TMEM131: variants seen among roughly 807,000 people sequenced by gnomAD.
TMEM131 encodes 2610524E03Rik.
Under a neutral mutation model 211.6 loss-of-function variants are expected in TMEM131, and 66 were observed. That is an observed-to-expected ratio of 0.31 (90% CI 0.26 to 0.38). The LOEUF is 0.38. TMEM131 is among the 10% of genes least tolerant of loss of function. The pLI is 1.00. For synonymous variants in TMEM131, 844 were observed against 841.3 expected, an observed-to-expected ratio of 1.00 and a Z score of -0.06; for missense variants, 2,036 against 2,299.3, an observed-to-expected ratio of 0.89 and a Z score of 2.34.
In TMEM131 at chr2:97,792,492, G is replaced by A; in HGVS notation, c.4038C>T (p.Asp1346=). Residue 1346 remains aspartate, a synonymous_variant, in exon 31 of 41, where the codon GAC becomes GAT. Transcript: ENST00000186436. The part of the protein sequence containing the change: ...SSARHSSEDS[D]ITSLIEAMDK... Reference sequence around the variant, plus strand: ...CCATGGCTTCTATGAGACTGGTGATGTCCGAGTCCTCGGAACTGTGCCTCG... The same window carrying A: ...CCATGGCTTCTATGAGACTGGTGATATCCGAGTCCTCGGAACTGTGCCTCG... 1.2e-6 allele frequency: 2 copies of A among 1,613,790 alleles called. No homozygotes were observed. Among genetic ancestry groups the A allele is most frequent in the South Asian group, 1.1e-5 (1 of 91,006 alleles).
chr2:97,884,459 A>C (rs116766365), intron 4 of TMEM131, among the ~76,000 whole-genome samples: 1 of 152,154 alleles, frequency 6.6e-6, no homozygotes, highest in Non-Finnish European at 1.5e-5. Flanking sequence ...TGTAGTTTAA[A>C]TCCAATGCTT....
chr2:97,814,096 C>G lies in TMEM131; in HGVS notation c.1492G>C (p.Gly498Arg). Residue 498 changes from glycine to arginine, a missense_variant, in exon 15 of 41, where the codon GGA becomes CGA. Gly to Arg is a moderately radical substitution (Grantham distance 125). Coordinates refer to ENST00000186436, the MANE Select transcript of TMEM131 (RefSeq NM_015348.2). ...KPVLILPNES[G>R]YIFTLLFMPS... Reference sequence around the variant, plus strand: ...ATAAAAAGCAGGGTAAAAATGTATCCTGATTCATTAGGAAGAATTAAGACT... The same window carrying G: ...ATAAAAAGCAGGGTAAAAATGTATCGTGATTCATTAGGAAGAATTAAGACT... The G allele has an allele frequency of 6.2e-7, 1 of 1,607,264 alleles. No homozygotes were observed. Among genetic ancestry groups the G allele is most frequent in the Non-Finnish European group, 8.5e-7 (1 of 1,176,274 alleles).
At chr2:97,798,131 T>G (rs569010388) in intron 25 of TMEM131, among the ~76,000 whole-genome samples, 5 of 152,394 alleles carry the variant, frequency 3.3e-5, no homozygotes. Flanking sequence ...GCTTACTGTT[T>G]CATAAACACC....
At chr2:97,879,635 C>A in intron 4 of TMEM131, among the ~76,000 whole-genome samples, 1 of 152,206 alleles carries the variant, frequency 6.6e-6, no homozygotes, top group Admixed American at 6.5e-5. Flanking sequence ...GACAGCAAGA[C>A]TATCACTTCC....
chr2:97,860,518 G>A (rs1250923558), intron 4 of TMEM131, among the ~76,000 whole-genome samples: 4 of 152,128 alleles, frequency 2.6e-5, no homozygotes, highest in African/African-American at 9.7e-5. Context: ...AGTTGAAAAC[G>A]CAGAGCCAGA....
chr2:97,911,311 C>T (rs998641082), intron 2 of TMEM131, among the ~76,000 whole-genome samples: 1 of 152,056 alleles, frequency 6.6e-6, no homozygotes, highest in African/African-American at 2.4e-5. Flanking sequence ...AAGGGATTAC[C>T]AAGGGGCACA....
chr2:97,797,308 G>C, intron 26 of TMEM131, 57 bp downstream of exon 26: 1 of 1,446,998 alleles, frequency 6.9e-7, no homozygotes, highest in East Asian at 2.3e-5. Context: ...CTTAAAACAA[G>C]TGAGGACTTC....
At chr2:97,964,214 C>T (rs971890595) in intron 1 of TMEM131, among the ~76,000 whole-genome samples, 2 of 152,190 alleles carry the variant, frequency 1.3e-5, no homozygotes, top group Admixed American at 1.3e-4. Context: ...GAGACCACCA[C>T]CTACAAGGTC....
chr2:97,938,561 T>A (rs1009007307), intron 1 of TMEM131, among the ~76,000 whole-genome samples: 7 of 152,042 alleles, frequency 4.6e-5, no homozygotes, highest in African/African-American at 1.4e-4. Context: ...AGACTTAGAC[T>A]CCCACACAAT....
intron 1 of TMEM131, among the ~76,000 whole-genome samples, chr2:97,970,961 A>G (rs985926381): frequency 1.3e-5 from 2 of 152,186 alleles, no homozygotes; most frequent in Non-Finnish European, 2.9e-5. Flanking sequence ...AATGTAGCCT[A>G]TGGTGGGGGG....
Position 97,757,372 on chromosome 2 carries a change from A to G in TMEM131, c.5379T>C (p.Gly1793=). ...SPTHTATSVL[G]NTSGLWSTTP... is the part of the protein sequence containing the mutation. Reference sequence around the variant, plus strand: ...TGGTGGACCACAGGCCGCTGGTGTTACCGAGGACCGACTGCGACAAAACAG... The same window carrying G: ...TGGTGGACCACAGGCCGCTGGTGTTGCCGAGGACCGACTGCGACAAAACAG... Residue 1793 remains glycine (G), a synonymous_variant, in exon 41 of 41, where the codon GGT becomes GGC. Transcript: ENST00000186436. 6.3e-7 allele frequency: 1 copy of G among 1,598,718 alleles called. No homozygotes were observed. The highest frequency in any genetic ancestry group is 8.5e-7 in the Non-Finnish European group (1 of 1,169,686).
chr2:97,837,122 G>T lies in TMEM131; in HGVS notation c.759C>A (p.His253Gln), dbSNP rs1015126427. The T allele has an allele frequency of 6.2e-7, 1 of 1,610,222 alleles. No individual in the cohort carries two copies. The highest frequency in any genetic ancestry group is 8.5e-7 in the Non-Finnish European group (1 of 1,178,552). ...CTTGTTGACCCGTTGGGAGTTCTAG[G>T]TGAAGGTCTCCTCCACTAGAGTACA... is the stretch of plus-strand genomic sequence containing the variant. ...VEMYSSGGDL[H>Q]LELPTGQQGG... The change falls in exon 8 of 41, where the codon CAC becomes CAA. Residue 253 changes from histidine (H) to glutamine (Q), a missense_variant. Around this residue, in one of 3 missense-constraint regions of TMEM131, gnomAD observed 277 missense variants for 378.0 expected, o/e 0.73. Coordinates refer to ENST00000186436, the MANE Select transcript of TMEM131 (RefSeq NM_015348.2).
intron 5 of TMEM131, among the ~76,000 whole-genome samples, chr2:97,845,731 A>G (rs530790740): frequency 2.0e-5 from 3 of 149,934 alleles, no homozygotes; most frequent in Non-Finnish European, 4.4e-5. Context: ...AAAGAGTAAA[A>G]ATTAATGAAA....
rs1473044460 is a variant in TMEM131, at chr2:97,792,557, G to T, written c.3973C>A (p.Pro1325Thr). The change falls in exon 31 of 41, where the codon CCC becomes ACC. Residue 1325 changes from proline to threonine, a missense_variant. Physicochemically the swap from Pro to Thr is conservative, Grantham distance 38. Around this residue, in one of 3 missense-constraint regions of TMEM131, gnomAD observed 1,623 missense variants for 1,805.9 expected, o/e 0.90. Coordinates refer to ENST00000186436, the MANE Select transcript of TMEM131 (RefSeq NM_015348.2). ...TCTGGGTGGGAAGGGTGTGCGAGGG[G>T]GGCGGGAGACAGCCTTTCAGGCTGC... ...EPQPERLSPA[P>T]LAHPSHPERA... 1 of 1,613,336 alleles carries T rather than the reference G, an allele frequency of 6.2e-7. No homozygotes were observed. The highest frequency in any genetic ancestry group is 1.7e-5 in the Admixed American group (1 of 59,900).
intron 31 of TMEM131, among the ~76,000 whole-genome samples, chr2:97,787,226 A>C (rs908352000): frequency 6.6e-6 from 1 of 152,242 alleles, no homozygotes; most frequent in Non-Finnish European, 1.5e-5. Flanking sequence ...CATGCTGTGT[A>C]ATGAATTTGT....
intron 1 of TMEM131, among the ~76,000 whole-genome samples, chr2:97,947,738 A>C (rs914003123): frequency 5.3e-5 from 8 of 152,146 alleles, no homozygotes; most frequent in Non-Finnish European, 1.2e-4. Flanking sequence ...AAATAGTAAA[A>C]AGAATTTTGA....
intron 1 of TMEM131, among the ~76,000 whole-genome samples, chr2:97,943,898 A>G (rs1297685905): frequency 6.6e-6 from 1 of 152,120 alleles, no homozygotes; most frequent in East Asian, 1.9e-4. Context: ...CCTGGCCAAC[A>G]TGCTGAAACC....
chr2:97,797,080 T>G, intron 26 of TMEM131, 94 bp from the exon 27 acceptor site: 1 of 1,290,796 alleles, frequency 7.7e-7, no homozygotes, highest in Non-Finnish European at 1.1e-6. Context: ...GAGCACCACA[T>G]AGAAATTAAA....
chr2:97,790,486 T>G (rs530244944), intron 31 of TMEM131, among the ~76,000 whole-genome samples: 1 of 152,164 alleles, frequency 6.6e-6, no homozygotes, highest in Non-Finnish European at 1.5e-5. Flanking sequence ...TCTTAGTAGG[T>G]TGACTCTAGG....
Sources: allele counts gnomAD v4.1 joint callset (sites outside exome capture counted in the v4.1 genomes callset), GRCh38; gene constraint gnomAD v4.1.1; regional missense constraint gnomAD v4.1.1; transcripts MANE v1.5; gene names NCBI Gene and HGNC (gene_info 2026-07-23, HGNC 2026-07-21).